Variants in CFAP299 observed in about 807,000 individuals in gnomAD.
The protein encoded by CFAP299 is cilia and flagella associated protein 299, also known as cilia- and flagella-associated protein 299.
A neutral mutation model predicts 27.0 loss-of-function variants in CFAP299; 21 were observed. The ratio of observed to expected loss-of-function variants is 0.78; its 90% CI spans 0.55 to 1.12. CFAP299 has a LOEUF of 1.12. Ranked by LOEUF, CFAP299 falls within the 50% of genes most tolerant of loss-of-function variation. The pLI is 0.00. For synonymous variants in CFAP299, 104 were observed against 98.1 expected (o/e 1.06, Z -0.36); for missense variants, 310 against 276.6 (o/e 1.12, Z -0.86).
intron 2 of CFAP299, among the ~76,000 whole-genome samples, chr4:80,488,448 A>G (rs1053112045): frequency 3.9e-5 from 6 of 151,968 alleles, no homozygotes; most frequent in Admixed American, 3.3e-4. Context: ...AGAAGAAAAC[A>G]ACAAACAAAA....
chr4:80,893,000 T>G (rs1395853720), intron 4 of CFAP299, among the ~76,000 whole-genome samples: 1 of 151,512 alleles, frequency 6.6e-6, no homozygotes, highest in Admixed American at 6.6e-5. Context: ...ATCGAGAAAA[T>G]TAATGTTAGA....
intron 3 of CFAP299, among the ~76,000 whole-genome samples, chr4:80,868,347 C>T (rs1293266763): frequency 1.3e-5 from 2 of 152,128 alleles, no homozygotes; most frequent in East Asian, 3.8e-4. Context: ...TCAAATCCCT[C>T]ATTATTGTTT....
At chr4:80,952,585 G>T (rs1443074879) in intron 5 of CFAP299, among the ~76,000 whole-genome samples, 2 of 152,102 alleles carry the variant, frequency 1.3e-5, no homozygotes, top group Non-Finnish European at 2.9e-5. Flanking sequence ...GTCTATTATT[G>T]TACAGGTGCT....
At chr4:80,785,891 A>G (rs182932397) in intron 3 of CFAP299, among the ~76,000 whole-genome samples, 1 of 152,290 alleles carries the variant, frequency 6.6e-6, no homozygotes, top group Non-Finnish European at 1.5e-5. Context: ...AACACAGTTA[A>G]TGTAACTCAG....
chr4:80,689,354 C>T (rs1383895346), intron 3 of CFAP299, among the ~76,000 whole-genome samples: 2 of 152,224 alleles, frequency 1.3e-5, no homozygotes, highest in Non-Finnish European at 2.9e-5. Flanking sequence ...TCGGCAGAAA[C>T]TCTACAAGCC....
At chr4:80,780,020 C>A (rs372962498) in intron 3 of CFAP299, among the ~76,000 whole-genome samples, 1 of 152,000 alleles carries the variant, frequency 6.6e-6, no homozygotes, top group East Asian at 1.9e-4. Flanking sequence ...TGTTACACTG[C>A]TTTAGACTCT....
At chr4:80,890,770 G>A (rs6817606) in intron 4 of CFAP299, among the ~76,000 whole-genome samples, 20,899 of 143,646 alleles carry the variant, frequency 0.15, 1,257 homozygotes, top group African/African-American at 0.34. Context: ...GTGTGAGATG[G>A]TATCTCATAG....
intron 4 of CFAP299, chr4:80,870,745 A>C: frequency 2.0e-6 from 2 of 985,480 alleles, no homozygotes; most frequent in Non-Finnish European, 2.4e-6. Flanking sequence ...ACTTAACTAT[A>C]GAACCCCAAA....
chr4:80,487,465 G>C (rs1016322459), intron 2 of CFAP299, among the ~76,000 whole-genome samples: 1 of 152,146 alleles, frequency 6.6e-6, no homozygotes, highest in Non-Finnish European at 1.5e-5. Context: ...TCTCCAAAAG[G>C]CAACTTGGGG....
chr4:80,671,364 C>T (rs1447126475), intron 3 of CFAP299, among the ~76,000 whole-genome samples: 2 of 152,108 alleles, frequency 1.3e-5, no homozygotes, highest in Non-Finnish European at 2.9e-5. Context: ...TGTTTTGGTA[C>T]CAGTACCATG....
chr4:80,495,774 T>C (rs974293140), intron 2 of CFAP299, among the ~76,000 whole-genome samples: 4 of 152,238 alleles, frequency 2.6e-5, no homozygotes, highest in African/African-American at 9.6e-5. Context: ...GGAAGCATGA[T>C]ACTAGCATCT....
rs189697635 is a variant in CFAP299 at position 80,654,867 on chromosome 4, T to G, written c.333+71684T>G. On this transcript the variant is annotated intron_variant, in intron 3 of 5. Transcript: ENST00000358105. ...ATAGCCTCAAGCAATCCTCTTGCCT[T>G]GGCCACCCAAAGTGCTGGAATTATA... Among the ~76,000 whole-genome samples the G allele has an allele frequency of 4.6e-3, 695 of 151,522 alleles. 13 individuals are homozygous for G. The highest frequency in any genetic ancestry group is 0.043 in the Admixed American group (656 of 15,162).
intron 4 of CFAP299, among the ~76,000 whole-genome samples, chr4:80,881,419 A>C (rs1246777400): frequency 6.6e-6 from 1 of 152,212 alleles, no homozygotes; most frequent in Non-Finnish European, 1.5e-5. Flanking sequence ...AAGGTATGCA[A>C]CAAAGAAAGG....
intron 2 of CFAP299, among the ~76,000 whole-genome samples, chr4:80,568,727 A>C (rs1479317770): frequency 6.6e-6 from 1 of 152,088 alleles, no homozygotes; most frequent in Non-Finnish European, 1.5e-5. Flanking sequence ...GGCATGAAGG[A>C]GATGATTTAT....
intron 2 of CFAP299, among the ~76,000 whole-genome samples, chr4:80,383,554 G>A (rs936323931): frequency 6.6e-6 from 1 of 151,998 alleles, no homozygotes; most frequent in Non-Finnish European, 1.5e-5. Context: ...AAGATATCAA[G>A]TTTTACAGAA....
chr4:80,606,429 G>T (rs945338175), intron 3 of CFAP299, among the ~76,000 whole-genome samples: 1 of 152,096 alleles, frequency 6.6e-6, no homozygotes, highest in Non-Finnish European at 1.5e-5. Context: ...CAGCTACTCG[G>T]GGGGCTGAGG....
chr4:80,483,255 A>G (rs544392337), intron 2 of CFAP299, among the ~76,000 whole-genome samples: 2 of 152,334 alleles, frequency 1.3e-5, no homozygotes, highest in East Asian at 1.9e-4. Context: ...AGGAAAGGCA[A>G]TTGATTTTCT....
intron 3 of CFAP299, among the ~76,000 whole-genome samples, chr4:80,699,905 AACT>A (rs1721364511): frequency 6.6e-6 from 1 of 152,210 alleles, no homozygotes; most frequent in Non-Finnish European, 1.5e-5. Context: ...GCAGGGAAGT[AACT>A]AATCAGAATT....
chr4:80,748,381 T>C (rs996819019), intron 3 of CFAP299, among the ~76,000 whole-genome samples: 1 of 152,118 alleles, frequency 6.6e-6, no homozygotes, highest in Admixed American at 6.6e-5. Flanking sequence ...AACATGTCTT[T>C]AGGGTAATAA....
Sources: gnomAD v4.1 joint callset for allele counts (sites outside exome capture counted in the v4.1 genomes callset) on GRCh38, gnomAD v4.1.1 for gene constraint, MANE v1.5 for transcripts, NCBI Gene and HGNC (gene_info 2026-07-23, HGNC 2026-07-21) for gene names.